TSHZ3: variants seen among roughly 807,000 people sequenced by gnomAD.
The protein encoded by TSHZ3 is teashirt zinc finger homeobox 3.
Under a neutral mutation model 64.5 loss-of-function variants are expected in TSHZ3, and 10 were observed. The observed-to-expected ratio is 0.16, with a 90% CI of 0.10 to 0.26. TSHZ3 has a LOEUF of 0.26. Ranked by LOEUF, TSHZ3 falls within the 10% of genes least tolerant of loss-of-function variation. The pLI is 1.00. For missense variants in TSHZ3, 1,242 were observed against 1,421.7 expected (o/e 0.87, Z 2.03); for synonymous variants, 608 against 593.1 (o/e 1.03, Z -0.36).
intron 1 of TSHZ3, among the ~76,000 whole-genome samples, chr19:31,320,097 C>T (rs1916720538): frequency 6.6e-6 from 1 of 152,200 alleles, no homozygotes; most frequent in Non-Finnish European, 1.5e-5. Context: ...CTGATCTATA[C>T]AGAAACAGAT....
intron 5 of TSHZ3, among the ~76,000 whole-genome samples, chr19:31,186,353 C>T (rs1452043051): frequency 6.6e-6 from 1 of 152,090 alleles, no homozygotes; most frequent in African/African-American, 2.4e-5. Flanking sequence ...TCATGGGGGG[C>T]GGTTACCCTC....
rs1253789446 is a variant in TSHZ3 at position 31,278,477 on chromosome 19, T to A, written c.1316A>T (p.Asp439Val). The A allele has an allele frequency of 6.2e-7, 1 of 1,613,970 alleles. No individual in the cohort carries two copies. Among genetic ancestry groups the A allele is most frequent in the Non-Finnish European group, 8.5e-7 (1 of 1,180,032 alleles). ...CAGGGGCACGGACTGGACCTTCTCA[T>A]CCAGCAGGGTTGTGATGGTAGGTGT... ...PVTPTITTLL[D>V]EKVQSVPLAA... Residue 439 changes from aspartate (D) to valine (V), a missense_variant, in exon 2 of 2, where the codon GAT (aspartate) becomes GTT (valine). Coordinates refer to ENST00000240587, the MANE Select transcript of TSHZ3 (RefSeq NM_020856.4). The surrounding 1 kb of genome is among the most constrained non-coding windows in gnomAD (Gnocchi z 4.7).
chr19:31,344,924 C>T (rs141698956), intron 1 of TSHZ3, among the ~76,000 whole-genome samples: 48 of 152,318 alleles, frequency 3.2e-4, no homozygotes, highest in Non-Finnish European at 4.0e-4. Context: ...GACTATCTGG[C>T]TCCTGTTTAT....
At chr19:31,299,629 T>C (rs1976720977) in intron 1 of TSHZ3, among the ~76,000 whole-genome samples, 1 of 152,302 alleles carries the variant, frequency 6.6e-6, no homozygotes, top group East Asian at 1.9e-4. Context: ...CAGCATCCCT[T>C]GACCATCATG....
chr19:31,304,879 G>T (rs1976813925), intron 1 of TSHZ3, among the ~76,000 whole-genome samples: 1 of 152,346 alleles, frequency 6.6e-6, no homozygotes, highest in East Asian at 1.9e-4. Flanking sequence ...CAGCGCACTG[G>T]TAACTCCTTG....
chr19:31,261,942 T>C (rs931908643), intron 1 of TSHZ3, among the ~76,000 whole-genome samples: 1 of 152,184 alleles, frequency 6.6e-6, no homozygotes, highest in Non-Finnish European at 1.5e-5. Context: ...GATTCTCCTA[T>C]GGTGGCAAAC....
chr19:31,346,058 G>A (rs1917583231), intron 1 of TSHZ3, among the ~76,000 whole-genome samples: 1 of 152,102 alleles, frequency 6.6e-6, no homozygotes, highest in South Asian at 2.1e-4. Context: ...AAGACCCTAA[G>A]CCATACATAG....
intron 1 of TSHZ3, among the ~76,000 whole-genome samples, chr19:31,290,134 A>C (rs1023977600): frequency 1.5e-4 from 23 of 152,144 alleles, no homozygotes; most frequent in African/African-American, 4.1e-4. Context: ...AGCTATCCCC[A>C]GATGTCCTGA....
At chr19:31,222,911 C>T (rs1457863854) in intron 4 of TSHZ3, among the ~76,000 whole-genome samples, 1 of 152,176 alleles carries the variant, frequency 6.6e-6, no homozygotes, top group African/African-American at 2.4e-5. Context: ...GAAGACATGT[C>T]AATAATACCC....
intron 4 of TSHZ3, among the ~76,000 whole-genome samples, chr19:31,217,589 A>G (rs566364675): frequency 6.6e-6 from 1 of 152,260 alleles, no homozygotes; most frequent in Non-Finnish European, 1.5e-5. Context: ...AGCCTCCTCC[A>G]TTATCGACAG....
rs535467444 is a variant in TSHZ3 at position 31,234,678 on chromosome 19, T to G, written n.551-6538A>C. 3.9e-4 allele frequency among the ~76,000 whole-genome samples: 60 copies of G among 152,352 alleles called. 1 individual carries two copies. In the South Asian group the frequency reaches 8.7e-3, roughly 22 times the overall value. ...CTACTTTATTCTATAATATGTGAAA[T>G]TGCTTTGATTTAATTTTTCCATGTT... On this transcript the variant is annotated intron_variant and non_coding_transcript_variant, in intron 3 of 6. Coordinates refer to the TSHZ3 transcript ENST00000651361.
chr19:31,263,056 C>T (rs1429134163), intron 1 of TSHZ3, among the ~76,000 whole-genome samples: 2 of 152,118 alleles, frequency 1.3e-5, no homozygotes. Flanking sequence ...AGTGCTGGCA[C>T]GGACATCTTG....
At chr19:31,159,831 T>C (rs879943622) in intron 5 of TSHZ3, among the ~76,000 whole-genome samples, 5 of 152,164 alleles carry the variant, frequency 3.3e-5, no homozygotes, top group Non-Finnish European at 7.3e-5. Flanking sequence ...TAACTGAGAC[T>C]ATAGCTGCAT....
At chr19:31,321,808 G>A (rs771004741) in intron 1 of TSHZ3, among the ~76,000 whole-genome samples, 4 of 151,786 alleles carry the variant, frequency 2.6e-5, no homozygotes, top group East Asian at 3.8e-4. Context: ...ATGAGTAAAC[G>A]CATTTCCTTG....
intron 4 of TSHZ3, among the ~76,000 whole-genome samples, chr19:31,211,235 T>C (rs1975255954): frequency 6.6e-6 from 1 of 152,162 alleles, no homozygotes; most frequent in Non-Finnish European, 1.5e-5. Flanking sequence ...GCTCATGGTT[T>C]CCCCCTATCT....
intron 5 of TSHZ3, among the ~76,000 whole-genome samples, chr19:31,181,443 T>G (rs1435251779): frequency 1.3e-5 from 2 of 152,160 alleles, no homozygotes; most frequent in Non-Finnish European, 2.9e-5. Context: ...TTTCTCCATG[T>G]CTAAGGGGTT....
chr19:31,273,874 CT>C (rs1976180989), downstream of TSHZ3, among the ~76,000 whole-genome samples: 1 of 152,228 alleles, frequency 6.6e-6, no homozygotes, highest in African/African-American at 2.4e-5. Context: ...TCTTCCCTGC[CT>C]GGCCGTAAAA....
chr19:31,183,590 G>T (rs944144179), intron 5 of TSHZ3, among the ~76,000 whole-genome samples: 8 of 152,174 alleles, frequency 5.3e-5, no homozygotes, highest in Non-Finnish European at 1.0e-4. Flanking sequence ...CAGCAAGCAG[G>T]TTGGGAACCA....
At chr19:31,153,117 C>T (rs1974261660) in intron 6 of TSHZ3, among the ~76,000 whole-genome samples, 1 of 152,272 alleles carries the variant, frequency 6.6e-6, no homozygotes, top group Middle Eastern at 3.4e-3. Flanking sequence ...TAGAATCATA[C>T]TAATCCTGCC....
Sources: allele counts gnomAD v4.1 joint callset (sites outside exome capture counted in the v4.1 genomes callset), GRCh38; gene constraint gnomAD v4.1.1; non-coding constraint Gnocchi (gnomAD v3.1); transcripts MANE v1.5; gene names NCBI Gene and HGNC (gene_info 2026-07-23, HGNC 2026-07-21).